Variants in SUPT3H observed in about 807,000 individuals in gnomAD.
SUPT3H encodes SPT3 homolog, SAGA and STAGA complex component, also known as transcription initiation protein SPT3 homolog.
Under a neutral mutation model 44.3 loss-of-function variants are expected in SUPT3H, and 44 were observed. The ratio of observed to expected loss-of-function variants is 0.99; its 90% CI spans 0.78 to 1.28. The LOEUF is 1.28. SUPT3H is among the 50% of genes most tolerant of loss of function. SUPT3H has a pLI of 0.00. For synonymous variants in SUPT3H, 124 were observed against 125.6 expected (o/e 0.99, Z 0.09); for missense variants, 380 against 387.1 (o/e 0.98, Z 0.15).
chr6:45,014,920 G>A, intron 4 of SUPT3H, 29 bp from the exon 5 acceptor site: 1 of 1,353,042 alleles, frequency 7.4e-7, no homozygotes, highest in Non-Finnish European at 9.9e-7. Context: ...AAGTAAATAA[G>A]AAAACCTATA....
intron 3 of SUPT3H, among the ~76,000 whole-genome samples, chr6:45,078,177 G>A (rs560248788): frequency 6.6e-6 from 1 of 152,110 alleles, no homozygotes; most frequent in South Asian, 2.1e-4. Context: ...CCAGTCCTCC[G>A]GTCATTTTAT....
chr6:45,077,556 G>T (rs952692761), intron 3 of SUPT3H, among the ~76,000 whole-genome samples: 1 of 141,198 alleles, frequency 7.1e-6, no homozygotes, highest in East Asian at 2.2e-4. Flanking sequence ...GAGCCCAGGA[G>T]ATTGAAGCTG....
intron 2 of SUPT3H, among the ~76,000 whole-genome samples, chr6:45,214,063 T>A (rs1764615555): frequency 2.0e-5 from 2 of 98,770 alleles, no homozygotes. Flanking sequence ...AGCAATTAAC[T>A]CCAGGAAGAG....
chr6:45,076,767 G>A (rs759266415), intron 3 of SUPT3H, among the ~76,000 whole-genome samples: 26 of 152,176 alleles, frequency 1.7e-4, no homozygotes, highest in Middle Eastern at 3.4e-3. Flanking sequence ...CTGCTTGAAA[G>A]AAAATCCAAC....
downstream of SUPT3H, among the ~76,000 whole-genome samples, chr6:44,826,240 A>G (rs910212853): frequency 2.0e-5 from 3 of 152,236 alleles, no homozygotes; most frequent in Non-Finnish European, 4.4e-5. Context: ...CCCTCTGCAG[A>G]AAGCCTTTGC....
intron 2 of SUPT3H, among the ~76,000 whole-genome samples, chr6:45,364,549 G>A (rs1317481369): frequency 9.5e-6 from 1 of 104,962 alleles, no homozygotes; most frequent in African/African-American, 6.5e-5. Context: ...AAACTACTAT[G>A]TGTCAACAGA....
chr6:45,118,277 T>C (rs539002345), intron 2 of SUPT3H, among the ~76,000 whole-genome samples: 1 of 152,188 alleles, frequency 6.6e-6, no homozygotes, highest in Non-Finnish European at 1.5e-5. Flanking sequence ...AAAACATACA[T>C]CTCTGTATCT....
chr6:45,060,949 GA>G (rs1467591931), intron 3 of SUPT3H, among the ~76,000 whole-genome samples: 4 of 151,942 alleles, frequency 2.6e-5, no homozygotes, highest in African/African-American at 9.7e-5. Flanking sequence ...CAAGAAACAA[GA>G]TGCTGCCAAG....
chr6:45,214,735 T>A (rs1000695425), intron 2 of SUPT3H, among the ~76,000 whole-genome samples: 1 of 152,132 alleles, frequency 6.6e-6, no homozygotes, highest in East Asian at 1.9e-4. Context: ...TGTAGTCCCA[T>A]TTACTCGGGA....
intron 2 of SUPT3H, among the ~76,000 whole-genome samples, chr6:45,254,339 TA>T (rs1306242999): frequency 2.0e-5 from 3 of 152,202 alleles, no homozygotes; most frequent in African/African-American, 4.8e-5. Context: ...TCTCTTGTAC[TA>T]ATACATGATT....
At position 44,896,956 on chromosome 6, in the gene SUPT3H, C is replaced by CA. The variant is rs145799274; in HGVS notation, c.912+35696dup. On this transcript the variant is annotated intron_variant, in intron 10 of 10. Coordinates refer to ENST00000371459, the MANE Select transcript of SUPT3H (RefSeq NM_003599.4). The stretch of plus-strand genomic sequence containing the variant: ...GGGCACTGTGCCAAAGCGCCTTATG[C>CA]AAATTATCTCATTTAATGCTAAATC... Among the ~76,000 whole-genome samples, 69 of 152,268 alleles carry CA rather than the reference C, an allele frequency of 4.5e-4. No homozygotes were observed. The East Asian group carries it at 0.012, about 26-fold the overall frequency.
intron 2 of SUPT3H, among the ~76,000 whole-genome samples, chr6:45,170,632 T>A (rs554814456): frequency 7.9e-5 from 12 of 152,322 alleles, no homozygotes; most frequent in African/African-American, 2.6e-4. Context: ...GTGTTTAGGT[T>A]CATTTTCTTT....
chr6:45,273,088 G>T (rs1363238332), intron 2 of SUPT3H, among the ~76,000 whole-genome samples: 1 of 152,198 alleles, frequency 6.6e-6, no homozygotes, highest in Non-Finnish European at 1.5e-5. Flanking sequence ...GCTGATCTGG[G>T]TGCAGCAACC....
intron 2 of SUPT3H, among the ~76,000 whole-genome samples, chr6:45,163,819 G>C (rs575706451): frequency 2.0e-5 from 3 of 146,418 alleles, no homozygotes; most frequent in Non-Finnish European, 3.0e-5. Flanking sequence ...AAAAAAGCAA[G>C]AGGTCCTCAG....
intron 2 of SUPT3H, among the ~76,000 whole-genome samples, chr6:45,223,281 C>A (rs552998711): frequency 6.6e-6 from 1 of 152,162 alleles, no homozygotes; most frequent in African/African-American, 2.4e-5. Context: ...AATTTTACAA[C>A]CTCTTACCAT....
At chr6:45,148,699 G>A (rs745374691) in intron 2 of SUPT3H, among the ~76,000 whole-genome samples, 2 of 152,214 alleles carry the variant, frequency 1.3e-5, no homozygotes, top group East Asian at 1.9e-4. Context: ...CTGCTTCCAC[G>A]AGGGAATTCA....
At chr6:44,829,991 A>G in intron 10 of SUPT3H, 134 bp from the exon 11 acceptor site, 1 of 773,676 alleles carries the variant, frequency 1.3e-6, no homozygotes, top group Non-Finnish European at 2.1e-6. Context: ...CTTAATCTGA[A>G]TATTTCTGGT....
chr6:45,239,336 G>A (rs1769843420), intron 2 of SUPT3H, among the ~76,000 whole-genome samples: 1 of 152,174 alleles, frequency 6.6e-6, no homozygotes, highest in Admixed American at 6.5e-5. Context: ...ATGGCTGATT[G>A]CCTAGTTGCT....
At chr6:45,235,345 A>AT (rs773738979) in intron 2 of SUPT3H, among the ~76,000 whole-genome samples, 1 of 152,156 alleles carries the variant, frequency 6.6e-6, no homozygotes, top group Admixed American at 6.6e-5. Context: ...ATATGTCTTC[A>AT]TTTTTACACA....
Sources: gnomAD v4.1 joint callset for allele counts (sites outside exome capture counted in the v4.1 genomes callset) on GRCh38, gnomAD v4.1.1 for gene constraint, MANE v1.5 for transcripts, NCBI Gene and HGNC (gene_info 2026-07-23, HGNC 2026-07-21) for gene names.